BORA: variants seen among roughly 807,000 people sequenced by gnomAD.
BORA encodes protein aurora borealis.
Under a neutral mutation model 55.8 loss-of-function variants are expected in BORA, and 26 were observed. That is an observed-to-expected ratio of 0.47 (90% CI 0.34 to 0.65). The LOEUF (loss-of-function observed/expected upper bound fraction) is 0.65. Among genes scored for constraint, BORA ranks in the 30% least tolerant of loss-of-function variants. The probability of loss-of-function intolerance (pLI) is 0.01; values close to 1 mark genes in which losing one functional copy is unlikely to be tolerated. For synonymous variants in BORA, 201 were observed against 216.9 expected (o/e 0.93, Z 0.64); for missense variants, 568 against 671.5 (o/e 0.85, Z 1.70).
intron 5 of BORA, among the ~76,000 whole-genome samples, chr13:72,742,895 A>G (rs1422245526): frequency 6.6e-6 from 1 of 152,164 alleles, no homozygotes; most frequent in African/African-American, 2.4e-5. Context: ...CATTATGCTA[A>G]GTGAAAAAAG....
In BORA at chr13:72,740,190, T is replaced by G. The variant is rs78486957; in HGVS notation, c.388+2147T>G. 6.6e-3 allele frequency among the ~76,000 whole-genome samples: 1,009 copies of G among 152,276 alleles called. 6 individuals carry two copies. The highest frequency in any genetic ancestry group is 0.011 in the Non-Finnish European group (733 of 68,006). ...GAGAAAGTCCAGCTTGTATGCAGAATTATAAGAATTCACTGCACTGGACTG... is the reference window on the plus strand; with the variant it reads ...GAGAAAGTCCAGCTTGTATGCAGAAGTATAAGAATTCACTGCACTGGACTG... On this transcript the variant is annotated intron_variant, in intron 5 of 11. Coordinates refer to ENST00000390667, the MANE Select transcript of BORA (RefSeq NM_024808.5).
chr13:72,748,785 A>G (rs1223328862), intron 10 of BORA, among the ~76,000 whole-genome samples: 2 of 152,024 alleles, frequency 1.3e-5, no homozygotes, highest in African/African-American at 4.8e-5. Context: ...ATTACAAAAT[A>G]CTTTTGTTGA....
At chr13:72,729,479 CTG>C (rs1360081747) in intron 2 of BORA, among the ~76,000 whole-genome samples, 5 of 152,164 alleles carry the variant, frequency 3.3e-5, no homozygotes, top group Admixed American at 2.6e-4. Context: ...AGGGATTACA[CTG>C]TGAACAAGTT....
intron 10 of BORA, chr13:72,753,108 G>T (rs867650462): frequency 1.3e-5 from 2 of 152,284 alleles, no homozygotes; most frequent in Middle Eastern, 3.4e-3. Context: ...ATAGTGCCTG[G>T]CCTTTTTAGA....
intron 2 of BORA, 27 bp from the exon 3 acceptor site, chr13:72,731,254 C>T (rs763391742): frequency 3.5e-6 from 5 of 1,443,908 alleles, no homozygotes; most frequent in Non-Finnish European, 4.8e-6. Context: ...TTTGCCTTTA[C>T]TCATAAGCTC....
chr13:72,745,443 T>C (rs2033121338), intron 8 of BORA, among the ~76,000 whole-genome samples: 1 of 152,180 alleles, frequency 6.6e-6, no homozygotes, highest in Non-Finnish European at 1.5e-5. Flanking sequence ...CCCAGATTGC[T>C]TTCAGAAGGA....
chr13:72,755,107 G>C (rs1427189051), intron 11 of BORA, 44 bp from the exon 12 acceptor site: 1 of 1,545,692 alleles, frequency 6.5e-7, no homozygotes, highest in East Asian at 2.2e-5. Flanking sequence ...TCCTCCAGTG[G>C]TCCTACTTAA....
intron 9 of BORA, among the ~76,000 whole-genome samples, 194 bp downstream of exon 9, chr13:72,746,270 T>A (rs1428811454): frequency 6.6e-6 from 1 of 152,248 alleles, no homozygotes; most frequent in East Asian, 1.9e-4. Flanking sequence ...TGTACTGTAG[T>A]GTTAAATATA....
At position 72,727,967 on chromosome 13, in the gene BORA, T is replaced by TC. The variant is rs1327338922; in HGVS notation, c.-53dup. 1.3e-6 allele frequency: 2 copies of TC among 1,550,596 alleles called. No individual in the cohort carries two copies. Among genetic ancestry groups the TC allele is most frequent in the South Asian group, 2.4e-5 (2 of 84,058 alleles). On this transcript the variant is annotated 5_prime_UTR_variant, in exon 1 of 12. Coordinates refer to ENST00000390667, the MANE Select transcript of BORA (RefSeq NM_024808.5). ...TGGAAGCTGGCCTGGCCCCCGGAGC[T>TC]CCCTGGAGTCGGTACTGGGGGCTTC...
intron 5 of BORA, among the ~76,000 whole-genome samples, chr13:72,741,920 A>T (rs2033040932): frequency 6.6e-6 from 1 of 152,198 alleles, no homozygotes; most frequent in South Asian, 2.1e-4. Context: ...CTCAAATAAT[A>T]TTTAATTAGA....
intron 2 of BORA, among the ~76,000 whole-genome samples, chr13:72,729,858 A>T (rs2032774582): frequency 6.6e-6 from 1 of 152,266 alleles, no homozygotes; most frequent in African/African-American, 2.4e-5. Context: ...TAGATGAGTA[A>T]TATCAAGGCA....
At chr13:72,743,983 C>T (rs1490235627) in intron 6 of BORA, among the ~76,000 whole-genome samples, 1 of 152,078 alleles carries the variant, frequency 6.6e-6, no homozygotes, top group African/African-American at 2.4e-5. Context: ...GCGATCTGCC[C>T]ACTTTGGCCC....
chr13:72,755,313 C>A lies in BORA; in HGVS notation c.*97C>A. 2.0e-6 allele frequency: 2 copies of A among 1,005,010 alleles called. No homozygotes were observed. Among genetic ancestry groups the A allele is most frequent in the Admixed American group, 3.8e-5 (2 of 52,820 alleles). The allele number at this position is 1,005,010 out of a possible 1,614,324, so 62.3% of individuals were successfully genotyped here. A position where few individuals can be genotyped will look rare whatever the true frequency, so the allele number is the denominator to read the frequency against. ...GATGGTGACTGGGAAAAAATTACTT[C>A]AAGTAACATGCTTAGCTTTCCCTCC... On this transcript the variant is annotated 3_prime_UTR_variant, in exon 12 of 12. Transcript: ENST00000390667.
At chr13:72,738,064 A>G (rs1178020284) in intron 5 of BORA, 21 bp downstream of exon 5, 2 of 1,541,450 alleles carry the variant, frequency 1.3e-6, no homozygotes, top group Non-Finnish European at 1.8e-6. Context: ...TAAAAATGAT[A>G]TGAATAAAAA....
At chr13:72,739,966 T>G (rs983412318) in intron 5 of BORA, among the ~76,000 whole-genome samples, 19 of 151,918 alleles carry the variant, frequency 1.3e-4, no homozygotes, top group Admixed American at 9.8e-4. Context: ...ACACAGTGAC[T>G]GAGAGATAGT....
intron 5 of BORA, 72 bp from the exon 6 acceptor site, chr13:72,743,465 C>G (rs2033077344): frequency 9.2e-7 from 1 of 1,086,796 alleles, no homozygotes; most frequent in African/African-American, 1.6e-5. Flanking sequence ...TAATTTTTTA[C>G]TTTGGAAAAA....
intron 3 of BORA, among the ~76,000 whole-genome samples, chr13:72,733,261 T>G (rs1339469578): frequency 2.0e-5 from 3 of 152,150 alleles, no homozygotes; most frequent in African/African-American, 7.2e-5. Context: ...CATGCCACCA[T>G]CCACACAGAA....
intron 1 of BORA, 35 bp downstream of exon 1, chr13:72,728,042 C>A (rs140385983): frequency 1.9e-6 from 3 of 1,550,408 alleles, no homozygotes; most frequent in African/African-American, 2.7e-5. Context: ...GGCCTTTCCT[C>A]CTGTCTGAAT....
At chr13:72,743,278 A>T (rs1245145227) in intron 5 of BORA, among the ~76,000 whole-genome samples, 1 of 152,174 alleles carries the variant, frequency 6.6e-6, no homozygotes, top group East Asian at 1.9e-4. Context: ...AAATGTATAC[A>T]ATTATTTAAA....
Sources: gnomAD v4.1 joint callset for allele counts (sites outside exome capture counted in the v4.1 genomes callset) on GRCh38, gnomAD v4.1.1 for gene constraint, MANE v1.5 for transcripts, NCBI Gene and HGNC (gene_info 2026-07-23, HGNC 2026-07-21) for gene names.